WWP2: variants seen among roughly 807,000 people sequenced by gnomAD.
The protein encoded by WWP2 is NEDD4-like E3 ubiquitin-protein ligase WWP2.
Under a neutral mutation model 121.0 loss-of-function variants are expected in WWP2, and 57 were observed. The ratio of observed to expected loss-of-function variants is 0.47; its 90% CI spans 0.38 to 0.59. WWP2 has a LOEUF of 0.59. Ranked by LOEUF, WWP2 falls within the 20% of genes least tolerant of loss-of-function variation. WWP2 has a pLI of 0.00. For synonymous variants in WWP2, 449 were observed against 441.3 expected (o/e 1.02, Z -0.22); for missense variants, 962 against 1,158.9 (o/e 0.83, Z 2.47).
intron 9 of WWP2, among the ~76,000 whole-genome samples, chr16:69,912,019 G>C (rs550736864): frequency 1.3e-5 from 2 of 152,266 alleles, no homozygotes; most frequent in South Asian, 4.1e-4. Flanking sequence ...GCTGGGCTCG[G>C]TTGCTCACGC....
At chr16:69,870,324 TCTCA>T (rs2057611636) in intron 6 of WWP2, among the ~76,000 whole-genome samples, 1 of 143,282 alleles carries the variant, frequency 7.0e-6, no homozygotes, top group Non-Finnish European at 1.5e-5. Context: ...TTGGAGACAC[TCTCA>T]CTCACTCTGT....
chr16:69,868,673 A>G (rs2057574263), intron 6 of WWP2, among the ~76,000 whole-genome samples: 1 of 149,522 alleles, frequency 6.7e-6, no homozygotes, highest in African/African-American at 2.4e-5. Flanking sequence ...ACACACACAC[A>G]CACACACACA....
intron 9 of WWP2, among the ~76,000 whole-genome samples, chr16:69,911,300 A>C (rs2058375623): frequency 6.6e-6 from 1 of 152,206 alleles, no homozygotes; most frequent in African/African-American, 2.4e-5. Flanking sequence ...TTTGCTCATC[A>C]GTCACTCTTA....
At chr16:69,817,407 C>T (rs1369368146) in intron 4 of WWP2, among the ~76,000 whole-genome samples, 2 of 152,032 alleles carry the variant, frequency 1.3e-5, no homozygotes, top group East Asian at 3.9e-4. Flanking sequence ...CACCACCATG[C>T]TCAGCTAATT....
At chr16:69,779,070 C>T (rs1318667468) in intron 1 of WWP2, among the ~76,000 whole-genome samples, 3 of 152,042 alleles carry the variant, frequency 2.0e-5, no homozygotes, top group African/African-American at 7.3e-5. Context: ...CTGCCTCAGC[C>T]TCCCAAGCAG....
intron 16 of WWP2, chr16:69,933,002 GGATGGAT>G (rs1366678621): frequency 4.2e-6 from 2 of 473,316 alleles, no homozygotes; most frequent in Admixed American, 4.7e-5. Context: ...CTGGCCCCGT[GGATGGAT>G]GTTCCTTTTT....
At chr16:69,838,914 A>T in intron 4 of WWP2, 9 of 981,966 alleles carry the variant, frequency 9.2e-6, no homozygotes, top group Non-Finnish European at 1.1e-5. Flanking sequence ...TCTTATTATA[A>T]TAGATCTTTG....
At chr16:69,907,144 G>A (rs751720088) in intron 8 of WWP2, among the ~76,000 whole-genome samples, 29 of 152,198 alleles carry the variant, frequency 1.9e-4, no homozygotes, top group Non-Finnish European at 2.2e-4. Flanking sequence ...GTGAACTGGT[G>A]CATGGAGGGC....
chr16:69,932,402 C>T (rs1382843352), intron 16 of WWP2, among the ~76,000 whole-genome samples: 1 of 152,262 alleles, frequency 6.6e-6, no homozygotes, highest in Non-Finnish European at 1.5e-5. Flanking sequence ...GAACAGGGGC[C>T]TGGGGTGCCC....
intron 10 of WWP2, among the ~76,000 whole-genome samples, chr16:69,920,744 G>A (rs2058548933): frequency 6.6e-6 from 1 of 151,966 alleles, no homozygotes; most frequent in African/African-American, 2.4e-5. Context: ...CTATAATAGT[G>A]CCACTGCACT....
chr16:69,807,470 T>A (rs2056302299), intron 4 of WWP2, among the ~76,000 whole-genome samples: 1 of 151,700 alleles, frequency 6.6e-6, no homozygotes. Context: ...TTTAAAAAAA[T>A]TAGCTAGGTG....
intron 1 of WWP2, among the ~76,000 whole-genome samples, chr16:69,766,033 C>T (rs537683492): frequency 1.1e-4 from 17 of 152,234 alleles, no homozygotes; most frequent in South Asian, 2.1e-4. Context: ...AGGCCTGTCT[C>T]GAGACTTCTA....
intron 4 of WWP2, among the ~76,000 whole-genome samples, chr16:69,801,121 G>A (rs2056155394): frequency 6.7e-6 from 1 of 148,406 alleles, no homozygotes; most frequent in Non-Finnish European, 1.5e-5. Flanking sequence ...CCCGGGAGGT[G>A]GAGGTTCCAG....
intron 7 of WWP2, among the ~76,000 whole-genome samples, chr16:69,876,809 G>A (rs971998599): frequency 1.3e-5 from 2 of 152,188 alleles, no homozygotes; most frequent in African/African-American, 4.8e-5. Flanking sequence ...GTAACCAGGT[G>A]CATTATCCAT....
chr16:69,912,263 G>T (rs2151965418), intron 9 of WWP2, among the ~76,000 whole-genome samples: 1 of 151,136 alleles, frequency 6.6e-6, no homozygotes, highest in South Asian at 2.1e-4. Context: ...CACCACTCTA[G>T]CCTGGACGAC....
At chr16:69,847,208 C>T (rs534595744) in intron 6 of WWP2, among the ~76,000 whole-genome samples, 58 of 152,146 alleles carry the variant, frequency 3.8e-4, no homozygotes, top group African/African-American at 1.3e-3. Context: ...TCTCATCCTC[C>T]AGAGTAGCTG....
chr16:69,848,768 A>G (rs972112575), intron 6 of WWP2, among the ~76,000 whole-genome samples: 5 of 151,460 alleles, frequency 3.3e-5, no homozygotes, highest in Admixed American at 1.3e-4. Flanking sequence ...GAGAGTGTGT[A>G]TGTGTGTGTT....
rs2056599823 is a variant in WWP2, at chr16:69,821,898, G to T, written c.341-18228G>T. On this transcript the variant is annotated intron_variant, in intron 4 of 23. Transcript: ENST00000359154. ...GTTTTTTTTTTAAATAAGAAACAGGGTCTTACTCTGTCACCCTGGCTAGCG... is the reference window on the plus strand; with the variant it reads ...GTTTTTTTTTTAAATAAGAAACAGGTTCTTACTCTGTCACCCTGGCTAGCG... Among the ~76,000 whole-genome samples, 8 of 151,584 alleles carry T rather than the reference G, an allele frequency of 5.3e-5. No individual in the cohort carries two copies. In the South Asian group the frequency reaches 1.7e-3, roughly 32 times the overall value.
At chr16:69,796,462 A>G (rs899746258) in intron 2 of WWP2, among the ~76,000 whole-genome samples, 2 of 152,224 alleles carry the variant, frequency 1.3e-5, no homozygotes, top group African/African-American at 4.8e-5. Context: ...CAGAGTATCA[A>G]TTGTTTGCCC....
Sources: allele counts gnomAD v4.1 joint callset (sites outside exome capture counted in the v4.1 genomes callset), GRCh38; gene constraint gnomAD v4.1.1; transcripts MANE v1.5; gene names NCBI Gene and HGNC (gene_info 2026-07-23, HGNC 2026-07-21).